The following SWT1 variants were observed in gnomAD, a reference collection of about 807,000 sequenced individuals.
The protein encoded by SWT1 is SWT1 RNA endoribonuclease homolog, also known as transcriptional protein SWT1.
In SWT1, 33 loss-of-function variants were observed where a neutral mutation model predicts 107.3. That is an observed-to-expected ratio of 0.31 (90% CI 0.23 to 0.41). The LOEUF (loss-of-function observed/expected upper bound fraction) is 0.41. Ranked by LOEUF, SWT1 falls within the 10% of genes least tolerant of loss-of-function variation. The pLI is 1.00. For missense variants in SWT1, 898 were observed against 1,028.9 expected (o/e 0.87, Z 1.74); for synonymous variants, 345 against 348.3 (o/e 0.99, Z 0.11).
intron 16 of SWT1, among the ~76,000 whole-genome samples, chr1:185,252,963 G>A (rs1349446152): frequency 7.0e-6 from 1 of 142,350 alleles, no homozygotes; most frequent in South Asian, 2.4e-4. Context: ...TTTTGTATAA[G>A]GTGTAAGGAA....
chr1:185,251,545 A>G (rs556174733), intron 16 of SWT1: 2 of 151,968 alleles, frequency 1.3e-5, no homozygotes, highest in East Asian at 1.9e-4. Flanking sequence ...AATGCTGCCA[A>G]TTTTTCTTTG....
intron 16 of SWT1, among the ~76,000 whole-genome samples, chr1:185,249,430 A>G (rs1243780149): frequency 6.6e-6 from 1 of 152,068 alleles, no homozygotes; most frequent in Non-Finnish European, 1.5e-5. Context: ...TGGTCACAGC[A>G]GTTTACATCC....
chr1:185,273,422 G>T (rs1029548772), intron 17 of SWT1, among the ~76,000 whole-genome samples: 11 of 150,268 alleles, frequency 7.3e-5, no homozygotes, highest in South Asian at 2.1e-4. Context: ...GTAAAAATAG[G>T]CTGGGCGCGG....
intron 9 of SWT1, among the ~76,000 whole-genome samples, chr1:185,186,871 C>T (rs1321210494): frequency 2.6e-5 from 4 of 151,042 alleles, no homozygotes; most frequent in Non-Finnish European, 4.4e-5. Context: ...TCTCCTTCCT[C>T]AGCCTCCCAA....
chr1:185,279,458 A>G (rs1189195553), intron 18 of SWT1, among the ~76,000 whole-genome samples: 10 of 152,240 alleles, frequency 6.6e-5, no homozygotes, highest in African/African-American at 1.7e-4. Flanking sequence ...GATTTAAACT[A>G]TGAAGTTAAT....
intron 10 of SWT1, among the ~76,000 whole-genome samples, chr1:185,199,487 T>G (rs535919292): frequency 9.2e-5 from 14 of 152,304 alleles, no homozygotes; most frequent in Admixed American, 2.6e-4. Context: ...GTAAAGGATT[T>G]TATTTCTCCT....
At chr1:185,169,279 C>CT (rs56786132) in intron 4 of SWT1, among the ~76,000 whole-genome samples, 2,050 of 133,118 alleles carry the variant, frequency 0.015, 22 homozygotes, top group Non-Finnish European at 0.019. Context: ...CACTGATATC[C>CT]TTTTTTTTTT....
chr1:185,235,273 C>T (rs905926606), intron 16 of SWT1, among the ~76,000 whole-genome samples: 1 of 152,120 alleles, frequency 6.6e-6, no homozygotes, highest in Non-Finnish European at 1.5e-5. Flanking sequence ...AAGAAAATTT[C>T]AGGCAAATAT....
At chr1:185,266,098 C>T (rs975142913) in intron 16 of SWT1, among the ~76,000 whole-genome samples, 1 of 151,954 alleles carries the variant, frequency 6.6e-6, no homozygotes, top group Non-Finnish European at 1.5e-5. Context: ...GAGTCTCGCT[C>T]AGTTGCCCAG....
chr1:185,246,685 A>G (rs919687041), intron 16 of SWT1, among the ~76,000 whole-genome samples: 3 of 133,216 alleles, frequency 2.3e-5, no homozygotes, highest in African/African-American at 8.8e-5. Context: ...GCTACGGTGC[A>G]GTTGTATGAT....
At chr1:185,227,202 G>A (rs1660134194) in intron 15 of SWT1, 1 of 850,482 alleles carries the variant, frequency 1.2e-6, no homozygotes, top group African/African-American at 1.6e-5. Flanking sequence ...TCCATCCACA[G>A]CTCCCTTCAG....
intron 16 of SWT1, among the ~76,000 whole-genome samples, chr1:185,237,078 G>A (rs539782579): frequency 1.3e-5 from 2 of 152,300 alleles, no homozygotes; most frequent in African/African-American, 4.8e-5. Flanking sequence ...AGAGGATGTG[G>A]AGAAATAGGA....
intron 18 of SWT1, among the ~76,000 whole-genome samples, chr1:185,283,200 A>C (rs529486628): frequency 6.6e-6 from 1 of 152,324 alleles, no homozygotes; most frequent in East Asian, 1.9e-4. Flanking sequence ...AAGATTTTAG[A>C]TTAAAGTAGC....
At chr1:185,262,791 T>C (rs954548109) in intron 16 of SWT1, among the ~76,000 whole-genome samples, 10 of 150,880 alleles carry the variant, frequency 6.6e-5, no homozygotes, top group South Asian at 6.3e-4. Context: ...TCTTTCTTTT[T>C]TTTTTTTTTT....
chr1:185,172,383 G>A (rs1655149844), intron 4 of SWT1, among the ~76,000 whole-genome samples: 1 of 152,078 alleles, frequency 6.6e-6, no homozygotes, highest in Non-Finnish European at 1.5e-5. Flanking sequence ...TTATGTCACT[G>A]AAGACTTTTC....
chr1:185,165,447 T>G (rs1208983485), intron 2 of SWT1, among the ~76,000 whole-genome samples: 1 of 152,206 alleles, frequency 6.6e-6, no homozygotes, highest in Non-Finnish European at 1.5e-5. Context: ...TGTATACTGG[T>G]GTTCAGAGTC....
intron 16 of SWT1, among the ~76,000 whole-genome samples, chr1:185,261,973 T>C (rs750320216): frequency 3.9e-5 from 6 of 152,196 alleles, no homozygotes; most frequent in Non-Finnish European, 8.8e-5. Context: ...ATTGGGTATA[T>C]TGAGATCTTA....
intron 6 of SWT1, among the ~76,000 whole-genome samples, 170 bp from the exon 7 acceptor site, chr1:185,181,776 A>C (rs759710347): frequency 6.6e-5 from 10 of 152,322 alleles, no homozygotes; most frequent in Non-Finnish European, 1.3e-4. Context: ...TTTGAAAACC[A>C]CGTGTGTGTT....
At chr1:185,278,214 G>A (rs902878150) in intron 18 of SWT1, among the ~76,000 whole-genome samples, 1 of 152,176 alleles carries the variant, frequency 6.6e-6, no homozygotes, top group African/African-American at 2.4e-5. Context: ...CTTATACATT[G>A]AAATCTAATC....
Sources: allele counts gnomAD v4.1 joint callset (sites outside exome capture counted in the v4.1 genomes callset), GRCh38; gene constraint gnomAD v4.1.1; transcripts MANE v1.5; gene names NCBI Gene and HGNC (gene_info 2026-07-23, HGNC 2026-07-21).